Variants in SH3GL1 observed in about 807,000 individuals in gnomAD.
SH3GL1 encodes the protein endophilin-A2.
Under a neutral mutation model 48.8 loss-of-function variants are expected in SH3GL1, and 21 were observed. The observed-to-expected ratio is 0.43, with a 90% CI of 0.30 to 0.62. The LOEUF (loss-of-function observed/expected upper bound fraction) is 0.62. Among genes scored for constraint, SH3GL1 ranks in the 20% least tolerant of loss-of-function variants. The pLI is 0.11. For missense variants in SH3GL1, 454 were observed against 503.0 expected (o/e 0.90, Z 0.93); for synonymous variants, 282 against 217.5 (o/e 1.30, Z -2.61).
chr19:4,372,904 G>T (rs1181064115), intron 1 of SH3GL1, among the ~76,000 whole-genome samples: 1 of 152,182 alleles, frequency 6.6e-6, no homozygotes, highest in Non-Finnish European at 1.5e-5. Flanking sequence ...CAGACCTGAG[G>T]CCCTTGCGTG....
At chr19:4,378,431 C>T (rs913124985) in intron 1 of SH3GL1, among the ~76,000 whole-genome samples, 1 of 152,026 alleles carries the variant, frequency 6.6e-6, no homozygotes, top group Non-Finnish European at 1.5e-5. Context: ...TACACACCAC[C>T]AGGCCAGGTG....
At chr19:4,395,503 C>G (rs940104219) in intron 1 of SH3GL1, 16 of 152,318 alleles carry the variant, frequency 1.1e-4, no homozygotes, top group Non-Finnish European at 1.8e-4. Flanking sequence ...CTACATCACA[C>G]AAAACTGACA....
intron 1 of SH3GL1, among the ~76,000 whole-genome samples, chr19:4,399,209 A>C (rs1277211828): frequency 6.7e-6 from 1 of 149,858 alleles, no homozygotes; most frequent in Non-Finnish European, 1.5e-5. Context: ...AGTCCCAGCT[A>C]CTGGGGAGGC....
intron 1 of SH3GL1, chr19:4,390,417 G>A (rs534524210): frequency 1.3e-5 from 2 of 152,804 alleles, no homozygotes; most frequent in East Asian, 3.9e-4. Context: ...AGAAGGTGTG[G>A]AGAGGACAGA....
At chr19:4,384,624 A>G (rs1209978611) in intron 1 of SH3GL1, among the ~76,000 whole-genome samples, 2 of 152,182 alleles carry the variant, frequency 1.3e-5, no homozygotes, top group East Asian at 1.9e-4. Flanking sequence ...TCTCAGATAC[A>G]TGCCACAGGG....
chr19:4,393,116 C>T (rs528651027), intron 1 of SH3GL1, among the ~76,000 whole-genome samples: 1 of 152,186 alleles, frequency 6.6e-6, no homozygotes, highest in African/African-American at 2.4e-5. Context: ...CAAAAATCAG[C>T]TGGGCGTGGT....
intron 1 of SH3GL1, among the ~76,000 whole-genome samples, chr19:4,392,432 G>A (rs1973353097): frequency 2.0e-5 from 3 of 152,036 alleles, no homozygotes; most frequent in South Asian, 2.1e-4. Context: ...GCTGAGGCAG[G>A]AGAATTACTT....
intron 1 of SH3GL1, among the ~76,000 whole-genome samples, chr19:4,382,894 G>T (rs1973164154): frequency 6.6e-6 from 1 of 152,112 alleles, no homozygotes; most frequent in African/African-American, 2.4e-5. Flanking sequence ...TCATCAAATG[G>T]TCACTATGTA....
chr19:4,363,612 C>T, intron 6 of SH3GL1, 108 bp downstream of exon 6: 5 of 1,508,398 alleles, frequency 3.3e-6, no homozygotes, highest in Non-Finnish European at 4.6e-6. Context: ...ACCTCCCCTG[C>T]TGCAGCGGCC....
chr19:4,376,634 G>GT lies in SH3GL1; in HGVS notation c.46-9641_46-9640insA, dbSNP rs1568414457. Among the ~76,000 whole-genome samples the GT allele has an allele frequency of 6.6e-6, 1 of 151,402 alleles. No homozygotes were observed. Among genetic ancestry groups the GT allele is most frequent in the African/African-American group, 2.4e-5 (1 of 41,122 alleles). ...TCTTACACCCCCATCTGCCTGGGCG[G>GT]CCCCCCCATCTCCCCTCAGAGCTTT... On this transcript the variant is annotated intron_variant, in intron 1 of 9. Coordinates refer to ENST00000269886, the MANE Select transcript of SH3GL1 (RefSeq NM_003025.4). This position sits in a 1 kb window ranked among gnomAD's most constrained non-coding sequence, Gnocchi z 4.3.
chr19:4,374,647 A>C (rs1239085492), intron 1 of SH3GL1, among the ~76,000 whole-genome samples: 2 of 152,196 alleles, frequency 1.3e-5, no homozygotes, highest in Non-Finnish European at 2.9e-5. Flanking sequence ...GTCTGCATTG[A>C]GAGGCTTGGC....
intron 7 of SH3GL1, 62 bp downstream of exon 7, chr19:4,363,308 C>G (rs951646833): frequency 3.1e-6 from 4 of 1,293,660 alleles, no homozygotes; most frequent in Non-Finnish European, 4.4e-6. Flanking sequence ...GTGCTGCCCA[C>G]TTGCGCTGGC....
chr19:4,379,561 C>T (rs1430354400), intron 1 of SH3GL1, among the ~76,000 whole-genome samples: 1 of 152,172 alleles, frequency 6.6e-6, no homozygotes, highest in East Asian at 1.9e-4. Flanking sequence ...CTGCCACAGC[C>T]GCTGCGCCCT....
chr19:4,380,449 G>T (rs954902176), intron 1 of SH3GL1, among the ~76,000 whole-genome samples: 1 of 152,182 alleles, frequency 6.6e-6, no homozygotes, highest in Middle Eastern at 3.2e-3. Context: ...TTTTAAGGAT[G>T]GGTGGGATCT....
chr19:4,363,035 G>C (rs182080928), intron 7 of SH3GL1, among the ~76,000 whole-genome samples: 6 of 152,114 alleles, frequency 3.9e-5, no homozygotes, highest in African/African-American at 1.4e-4. Flanking sequence ...TCCCCACCAC[G>C]GACGGCGCCC....
chr19:4,363,005 C>T (rs377499319), intron 7 of SH3GL1, among the ~76,000 whole-genome samples: 73 of 152,260 alleles, frequency 4.8e-4, no homozygotes, highest in Non-Finnish European at 6.8e-4. Context: ...CCAGTCGCAT[C>T]CCCTGCCTCC....
rs1227861629 is a variant in SH3GL1 at position 4,365,630 on chromosome 19, G to A, written c.188-5C>T. On this transcript the variant is annotated splice_region_variant and splice_polypyrimidine_tract_variant and intron_variant, in intron 3 of 9. Transcript: ENST00000269886. Reference sequence around the variant, plus strand: ...TGGTCAGCTTAGCCCGCGAGGCTGGGATAGGATGGCCAGGTGGGTGTGGGC... The same window carrying A: ...TGGTCAGCTTAGCCCGCGAGGCTGGAATAGGATGGCCAGGTGGGTGTGGGC... 7 of 1,613,744 alleles carry A rather than the reference G, an allele frequency of 4.3e-6. No individual in the cohort carries two copies. The highest frequency in any genetic ancestry group is 5.9e-6 in the Non-Finnish European group (7 of 1,180,050).
In SH3GL1 at chr19:4,364,144, G is replaced by C; in HGVS notation, c.409C>G (p.Gln137Glu). 6.2e-7 allele frequency: 1 copy of C among 1,613,884 alleles called. No individual in the cohort carries two copies. Among genetic ancestry groups the C allele is most frequent in the African/African-American group, 1.3e-5 (1 of 75,034 alleles). ...VKDSLDIEVK[Q>E]NFIDPLQNLC... ...TTCTGGAGGGGGTCAATGAAGTTCT[G>C]CTTGACCTCGATGTCCAGGGAGTCC... Residue 137 changes from glutamine (Q) to glutamate (E), a missense_variant, in exon 5 of 10, where the codon CAG (glutamine) becomes GAG (glutamate). Transcript: ENST00000269886.
intron 4 of SH3GL1, among the ~76,000 whole-genome samples, chr19:4,364,916 A>ATATATATTTTTT (rs1450528018): frequency 1.7e-5 from 2 of 116,222 alleles, no homozygotes; most frequent in African/African-American, 7.6e-5. Context: ...ATATATATAT[A>ATATATATTTTTT]TTTTTTTTTT....
Sources: allele counts gnomAD v4.1 joint callset (sites outside exome capture counted in the v4.1 genomes callset), GRCh38; gene constraint gnomAD v4.1.1; non-coding constraint Gnocchi (gnomAD v3.1); transcripts MANE v1.5; gene names NCBI Gene and HGNC (gene_info 2026-07-23, HGNC 2026-07-21).